HECA: variants seen among roughly 807,000 people sequenced by gnomAD.
HECA encodes HECA ribonucleoprotein granule regulator, also known as headcase protein homolog.
HECA carries 13 observed loss-of-function variants against 37.6 expected under a neutral mutation model. The ratio of observed to expected loss-of-function variants is 0.35; its 90% CI spans 0.23 to 0.55. The LOEUF is 0.55. Among genes scored for constraint, HECA ranks in the 20% least tolerant of loss-of-function variants. The pLI, the probability that HECA is intolerant of heterozygous loss-of-function variation, is 0.90. For missense variants in HECA, 527 were observed against 701.9 expected (o/e 0.75, Z 2.82); for synonymous variants, 307 against 291.5 (o/e 1.05, Z -0.54).
At chr6:139,166,257 T>C (rs7768941) in intron 1 of HECA, 27 bp from the exon 2 acceptor site, 835,075 of 1,544,210 alleles carry the variant, frequency 0.54, 234,581 homozygotes, top group African/African-American at 0.57. Context: ...AAATCTGAAA[T>C]CTGTTCTCTC....
chr6:139,155,480 T>G (rs1411669183), intron 1 of HECA: 1 of 152,190 alleles, frequency 6.6e-6, no homozygotes, highest in Non-Finnish European at 1.5e-5. Flanking sequence ...TAGGAATTTG[T>G]CAGTTCAGTT....
chr6:139,143,037 TA>T (rs1358892983), intron 1 of HECA, among the ~76,000 whole-genome samples: 1 of 152,204 alleles, frequency 6.6e-6, no homozygotes, highest in African/African-American at 2.4e-5. Flanking sequence ...ATTCTGTCTG[TA>T]TTATGATTCT....
At chr6:139,145,178 A>C (rs1239976721) in intron 1 of HECA, among the ~76,000 whole-genome samples, 1 of 152,212 alleles carries the variant, frequency 6.6e-6, no homozygotes, top group Non-Finnish European at 1.5e-5. Context: ...TGTGTGTTTT[A>C]ATTTTGTATA....
intron 1 of HECA, among the ~76,000 whole-genome samples, chr6:139,154,918 G>A (rs1774694651): frequency 6.6e-6 from 1 of 151,986 alleles, no homozygotes. Flanking sequence ...GGATAATATT[G>A]GAATACAGTA....
At chr6:139,136,040 G>A (rs1774431044) in intron 1 of HECA, among the ~76,000 whole-genome samples, 1 of 151,982 alleles carries the variant, frequency 6.6e-6, no homozygotes, top group African/African-American at 2.4e-5. Flanking sequence ...TGATCCGATT[G>A]AAAACTTAGG....
intron 1 of HECA, among the ~76,000 whole-genome samples, chr6:139,159,999 C>A (rs1274965324): frequency 1.3e-5 from 2 of 152,168 alleles, no homozygotes; most frequent in African/African-American, 4.8e-5. Context: ...GTGTGATCCT[C>A]CTCTTTCAAT....
At chr6:139,150,197 G>A (rs1774634378) in intron 1 of HECA, among the ~76,000 whole-genome samples, 1 of 152,066 alleles carries the variant, frequency 6.6e-6, no homozygotes, top group African/African-American at 2.4e-5. Flanking sequence ...TTTAAATTAG[G>A]TTATAGAATT....
chr6:139,165,228 A>G (rs1774866361), intron 1 of HECA, among the ~76,000 whole-genome samples: 1 of 152,190 alleles, frequency 6.6e-6, no homozygotes, highest in African/African-American at 2.4e-5. Flanking sequence ...ACTTATACAT[A>G]CATGTCCTTT....
At chr6:139,169,161 C>T (rs60281218) in intron 2 of HECA, among the ~76,000 whole-genome samples, 3,348 of 152,126 alleles carry the variant, frequency 0.022, 122 homozygotes, top group African/African-American at 0.071. Flanking sequence ...TGACAATTTC[C>T]GCTACCCTAT....
At chr6:139,165,655 G>A (rs1269805635) in intron 1 of HECA, among the ~76,000 whole-genome samples, 2 of 148,770 alleles carry the variant, frequency 1.3e-5, no homozygotes, top group Admixed American at 1.3e-4. Context: ...AAGCTCAGAT[G>A]TTCAGTTATC....
In HECA at chr6:139,167,170, C is replaced by T. The variant is rs145108878; in HGVS notation, c.1158C>T (p.Ala386=). The T allele has an allele frequency of 7.2e-5, 117 of 1,614,072 alleles. 1 individual carries two copies. In the African/African-American group the frequency reaches 1.3e-3, roughly 18 times the overall value. ...AAGACTTGCGGAAGTTCATTCTGGC[C>T]GCGCTCAGTGCCAGCCACAGAAACG... ...QGEDLRKFIL[A]ALSASHRNVV... is the part of the protein sequence containing the mutation. Residue 386 remains alanine (A), a synonymous_variant, in exon 2 of 4, where the codon GCC becomes GCT. Coordinates refer to ENST00000367658, the MANE Select transcript of HECA (RefSeq NM_016217.3).
intron 2 of HECA, among the ~76,000 whole-genome samples, chr6:139,173,976 C>A (rs2114493146): frequency 6.6e-6 from 1 of 152,230 alleles, no homozygotes; most frequent in Non-Finnish European, 1.5e-5. Flanking sequence ...CACAAGAGAG[C>A]TTGTGACAAG....
At chr6:139,140,948 G>T (rs1271554541) in intron 1 of HECA, among the ~76,000 whole-genome samples, 2 of 152,168 alleles carry the variant, frequency 1.3e-5, no homozygotes, top group South Asian at 2.1e-4. Context: ...CCGCCACAAT[G>T]CCCGGCTAAT....
rs556429976 is a variant in HECA at position 139,146,251 on chromosome 6, G to A, written c.271+10584G>A. ...AGTTAGTAAGGTATCAAATTGCTCC[G>A]GTAAGTTAAGCAGCTACTTGCCACA... On this transcript the variant is annotated intron_variant, in intron 1 of 3. Coordinates refer to ENST00000367658, the MANE Select transcript of HECA (RefSeq NM_016217.3). Among the ~76,000 whole-genome samples the A allele has an allele frequency of 1.1e-4, 16 of 152,258 alleles. No homozygotes were observed. The South Asian group carries it at 2.9e-3, about 28-fold the overall frequency.
intron 2 of HECA, among the ~76,000 whole-genome samples, chr6:139,168,358 A>G (rs939347206): frequency 3.3e-5 from 5 of 151,916 alleles, no homozygotes; most frequent in Non-Finnish European, 5.9e-5. Context: ...ATCTTATTAT[A>G]TAGTACCATA....
chr6:139,157,965 TC>T (rs1163607062), intron 1 of HECA, among the ~76,000 whole-genome samples: 2 of 152,230 alleles, frequency 1.3e-5, no homozygotes, highest in African/African-American at 4.8e-5. Flanking sequence ...GATGGCCACT[TC>T]CTGGTTGTGG....
chr6:139,159,486 C>T (rs1405662913), intron 1 of HECA, among the ~76,000 whole-genome samples: 1 of 152,012 alleles, frequency 6.6e-6, no homozygotes, highest in African/African-American at 2.4e-5. Flanking sequence ...TACCTGGGTG[C>T]CACAAGGAGG....
At chr6:139,156,972 C>T (rs1036197101) in intron 1 of HECA, among the ~76,000 whole-genome samples, 9 of 152,126 alleles carry the variant, frequency 5.9e-5, no homozygotes, top group Non-Finnish European at 8.8e-5. Flanking sequence ...AGGGCGAGTC[C>T]GCAGTGCAAA....
At chr6:139,136,619 A>G (rs1774448558) in intron 1 of HECA, among the ~76,000 whole-genome samples, 1 of 149,232 alleles carries the variant, frequency 6.7e-6, no homozygotes, top group African/African-American at 2.4e-5. Flanking sequence ...TTCTTTATGT[A>G]GATCAGGCAC....
Sources: allele counts gnomAD v4.1 joint callset (sites outside exome capture counted in the v4.1 genomes callset), GRCh38; gene constraint gnomAD v4.1.1; transcripts MANE v1.5; gene names NCBI Gene and HGNC (gene_info 2026-07-23, HGNC 2026-07-21).